The following PALS2 variants were observed in gnomAD, a reference collection of about 807,000 sequenced individuals.
PALS2 encodes the protein protein associated with LIN7 2, MAGUK p55 family member, also known as protein PALS2.
In PALS2, 27 loss-of-function variants were observed where a neutral mutation model predicts 61.6. The observed-to-expected ratio is 0.44, with a 90% CI of 0.32 to 0.60. The LOEUF (loss-of-function observed/expected upper bound fraction) is 0.60. PALS2 is among the 20% of genes least tolerant of loss of function. The pLI is 0.05. For synonymous variants in PALS2, 236 were observed against 218.6 expected (o/e 1.08, Z -0.70); for missense variants, 554 against 639.4 (o/e 0.87, Z 1.44).
intron 1 of PALS2, among the ~76,000 whole-genome samples, chr7:24,605,402 T>C (rs1318456859): frequency 2.0e-5 from 3 of 152,198 alleles, no homozygotes; most frequent in Admixed American, 2.0e-4. Context: ...TATGTACTAA[T>C]GTGAAATGTT....
intron 1 of PALS2, among the ~76,000 whole-genome samples, chr7:24,601,169 G>A (rs1009822868): frequency 3.3e-5 from 5 of 151,950 alleles, no homozygotes; most frequent in East Asian, 1.9e-4. Flanking sequence ...CCTTCACCAC[G>A]TATGCATATC....
intron 1 of PALS2, chr7:24,619,929 T>C (rs1329447428): frequency 2.0e-5 from 3 of 152,088 alleles, no homozygotes; most frequent in Non-Finnish European, 2.9e-5. Context: ...ATCTTAACTT[T>C]GTAAGGCTCC....
intron 1 of PALS2, among the ~76,000 whole-genome samples, chr7:24,574,997 C>G (rs1280811609): frequency 6.6e-6 from 1 of 152,180 alleles, no homozygotes; most frequent in African/African-American, 2.4e-5. Context: ...AAACAAAGAA[C>G]TTTTGTGGGT....
At chr7:24,683,605 A>G (rs1450979729) in intron 11 of PALS2, among the ~76,000 whole-genome samples, 5 of 149,730 alleles carry the variant, frequency 3.3e-5, no homozygotes, top group East Asian at 2.0e-4. Context: ...CATCTTGTAC[A>G]TTTTCTGTTC....
At chr7:24,580,420 A>G (rs1359023547) in intron 1 of PALS2, among the ~76,000 whole-genome samples, 2 of 152,202 alleles carry the variant, frequency 1.3e-5, no homozygotes, top group East Asian at 3.8e-4. Context: ...TCATTCAACA[A>G]AGCTTTTGAG....
chr7:24,667,822 G>A (rs1337985597), intron 8 of PALS2, among the ~76,000 whole-genome samples: 2 of 151,668 alleles, frequency 1.3e-5, no homozygotes, highest in African/African-American at 4.8e-5. Flanking sequence ...ACACCACCAC[G>A]CCTAGCTAAT....
chr7:24,648,648 A>G (rs1207688712), intron 3 of PALS2, among the ~76,000 whole-genome samples: 1 of 152,014 alleles, frequency 6.6e-6, no homozygotes, highest in Admixed American at 6.5e-5. Context: ...TTTTAGTATT[A>G]ATTAAGAAAT....
At chr7:24,588,909 AT>A (rs755881232) in intron 1 of PALS2, among the ~76,000 whole-genome samples, 1 of 152,208 alleles carries the variant, frequency 6.6e-6, no homozygotes, top group Non-Finnish European at 1.5e-5. Context: ...TTTTGTCCTT[AT>A]CCCACCTCCA....
Position 24,687,345 on chromosome 7 carries a change from T to G in PALS2, c.1447-93T>G. On this transcript the variant is annotated intron_variant, in intron 11 of 11. Transcript: ENST00000222644. The surrounding 1 kb of genome is among the most constrained non-coding windows in gnomAD (Gnocchi z 4.5). The stretch of plus-strand genomic sequence containing the variant: ...TAATACCAGAATTACCAGAAATATA[T>G]CTAACCTATTTATTATATTCACTTC... 1.1e-6 allele frequency: 1 copy of G among 949,896 alleles called. No individual in the cohort carries two copies. The highest frequency in any genetic ancestry group is 1.6e-6 in the Non-Finnish European group (1 of 625,378). The allele number at this position is 949,896 out of a possible 1,614,324, so 58.8% of individuals were successfully genotyped here.
At chr7:24,616,319 A>T (rs983087097) in intron 1 of PALS2, among the ~76,000 whole-genome samples, 2 of 152,204 alleles carry the variant, frequency 1.3e-5, no homozygotes, top group African/African-American at 4.8e-5. Context: ...CTACAAAAAA[A>T]ACTCTTAGAA....
At chr7:24,611,332 G>A (rs772985328) in intron 1 of PALS2, among the ~76,000 whole-genome samples, 1 of 151,886 alleles carries the variant, frequency 6.6e-6, no homozygotes, top group Non-Finnish European at 1.5e-5. Flanking sequence ...TGCAATTCAC[G>A]GGAAGTTGAT....
At chr7:24,634,891 A>T (rs1785166483) in intron 2 of PALS2, among the ~76,000 whole-genome samples, 1 of 152,136 alleles carries the variant, frequency 6.6e-6, no homozygotes, top group East Asian at 1.9e-4. Flanking sequence ...GGCCACTGAC[A>T]TGTGGTTTTA....
At chr7:24,593,564 C>G (rs1434703694) in intron 1 of PALS2, among the ~76,000 whole-genome samples, 1 of 152,078 alleles carries the variant, frequency 6.6e-6, no homozygotes, top group Non-Finnish European at 1.5e-5. Context: ...AGAATTACTC[C>G]TTAATCCATG....
rs1359507477 is a variant in PALS2 at position 24,588,713 on chromosome 7, T to C, written c.-3+15120T>C. On this transcript the variant is annotated intron_variant, in intron 1 of 11. Transcript: ENST00000222644. The stretch of plus-strand genomic sequence containing the variant: ...ATAACAGCTACATACAAAAAGACTT[T>C]ATAATGGTTTATAGCACTAAATGGA... 5.3e-5 allele frequency among the ~76,000 whole-genome samples: 8 copies of C among 152,234 alleles called. No individual in the cohort carries two copies. In the East Asian group the frequency reaches 1.5e-3, roughly 29 times the overall value.
Position 24,574,000 on chromosome 7 carries a change from A to T in PALS2, c.-3+407A>T, listed in dbSNP as rs1374475167. ...CTTCGGGCGCGGGGCTTGGGTGCCT[A>T]CACCTCTGCGGCGGGAGTCGCGGTG... On this transcript the variant is annotated intron_variant, in intron 1 of 11. Transcript: ENST00000222644. This position sits in a 1 kb window ranked among gnomAD's most constrained non-coding sequence, Gnocchi z 5.3. 1 of 151,962 alleles carries T rather than the reference A, an allele frequency of 6.6e-6. No homozygotes were observed. The highest frequency in any genetic ancestry group is 6.6e-5 in the Admixed American group (1 of 15,264). The allele number at this position is 151,962 out of a possible 1,614,324, so 9.4% of individuals were successfully genotyped here.
chr7:24,603,978 G>A lies in PALS2; in HGVS notation c.-2-19688G>A, dbSNP rs187570743. Among the ~76,000 whole-genome samples, 881 of 152,128 alleles carry A rather than the reference G, an allele frequency of 5.8e-3. 3 individuals are homozygous for A. The highest frequency in any genetic ancestry group is 9.2e-3 in the Non-Finnish European group (626 of 68,000). ...CATCGGGAAAAATAGTCAATAAAAC[G>A]GACTCTGACTGGGCTCAGTGTTGGA... On this transcript the variant is annotated intron_variant, in intron 1 of 11. Coordinates refer to ENST00000222644, the MANE Select transcript of PALS2 (RefSeq NM_001303037.2).
chr7:24,678,195 A>C (rs558329151), intron 9 of PALS2, among the ~76,000 whole-genome samples: 1 of 152,210 alleles, frequency 6.6e-6, no homozygotes, highest in Admixed American at 6.5e-5. Flanking sequence ...ACACATTTGC[A>C]ACAGTTTAAA....
chr7:24,635,887 C>T (rs1408618117), intron 2 of PALS2, among the ~76,000 whole-genome samples: 2 of 151,978 alleles, frequency 1.3e-5, no homozygotes, highest in Non-Finnish European at 2.9e-5. Context: ...TGTACATACA[C>T]ACACACACCT....
intron 1 of PALS2, among the ~76,000 whole-genome samples, chr7:24,601,643 C>T (rs1167811674): frequency 1.3e-5 from 2 of 151,434 alleles, no homozygotes; most frequent in Admixed American, 1.3e-4. Context: ...TGTTTTTAAT[C>T]TTTCTGAGGA....
Sources: allele counts gnomAD v4.1 joint callset (sites outside exome capture counted in the v4.1 genomes callset), GRCh38; gene constraint gnomAD v4.1.1; non-coding constraint Gnocchi (gnomAD v3.1); transcripts MANE v1.5; gene names NCBI Gene and HGNC (gene_info 2026-07-23, HGNC 2026-07-21).